SYNE1: variants seen among roughly 807,000 people sequenced by gnomAD.
The protein encoded by SYNE1 is spectrin repeat containing nuclear envelope protein 1, also known as nesprin-1.
SYNE1 carries 616 observed loss-of-function variants against 1,111.0 expected under a neutral mutation model. The ratio of observed to expected loss-of-function variants is 0.55; its 90% confidence interval spans 0.52 to 0.59. The LOEUF is 0.59. Among genes scored for constraint, SYNE1 ranks in the 20% least tolerant of loss-of-function variants. The probability of loss-of-function intolerance (pLI) is 0.00; values close to 1 mark genes in which losing one functional copy is unlikely to be tolerated. For synonymous variants in SYNE1, 3,855 were observed against 3,825.8 expected (o/e 1.01, Z -0.28); for missense variants, 10,006 against 10,417.0 (o/e 0.96, Z 1.72).
intron 113 of SYNE1, 41 bp downstream of exon 113, chr6:152,232,075 T>C: frequency 7.1e-7 from 1 of 1,416,522 alleles, no homozygotes; most frequent in Middle Eastern, 2.5e-4. Context: ...AATAAAATGG[T>C]CTGAAAATAT....
intron 3 of SYNE1, among the ~76,000 whole-genome samples, chr6:152,568,254 TA>T (rs2099424675): frequency 6.7e-6 from 1 of 149,360 alleles, no homozygotes; most frequent in South Asian, 2.1e-4. Flanking sequence ...AAATATGTGC[TA>T]AAAATATGAG....
chr6:152,138,501 ACT>A (rs1286439644), intron 140 of SYNE1, among the ~76,000 whole-genome samples: 1 of 148,830 alleles, frequency 6.7e-6, no homozygotes, highest in African/African-American at 2.5e-5. Context: ...ATAGAGTGAG[ACT>A]CTGTCTCAAA....
rs1021830711 is a variant in SYNE1, at chr6:152,318,109, G to A, written c.16544C>T (p.Ala5515Val). Residue 5515 changes from alanine to valine, a missense_variant, in exon 86 of 146, where the codon GCT becomes GTT. Transcript: ENST00000367255. ...ATTGAGCTTGGAGAGCCGATTCTCAGCTTGTCTAATGGTCTGCTGGTGAAG... is the reference window on the plus strand; with the variant it reads ...ATTGAGCTTGGAGAGCCGATTCTCAACTTGTCTAATGGTCTGCTGGTGAAG... The part of the protein sequence containing the change: ...TELHQQTIRQ[A>V]ENRLSKLNQA... 1 of 1,614,096 alleles carries A rather than the reference G, an allele frequency of 6.2e-7. No homozygotes were observed. The highest frequency in any genetic ancestry group is 8.5e-7 in the Non-Finnish European group (1 of 1,180,050).
Position 152,395,761 on chromosome 6 carries a change from G to C in SYNE1, c.7557-90C>G, listed in dbSNP as rs539961647. ...GCTGAGGTCACAATGTCTTTTAAAT[G>C]GCAATTAAGACCTCATGAATGTTCA... On this transcript the variant is annotated intron_variant, in intron 50 of 145. Coordinates refer to ENST00000367255, the MANE Select transcript of SYNE1 (RefSeq NM_182961.4). 5.5e-5 allele frequency: 76 copies of C among 1,388,786 alleles called. No homozygotes were observed. In the African/African-American group the frequency reaches 1.0e-3, roughly 19 times the overall value. The allele number at this position is 1,388,786 out of a possible 1,614,324, so 86.0% of individuals were successfully genotyped here. A position where few individuals can be genotyped will look rare whatever the true frequency, so the allele number is the denominator to read the frequency against.
intron 3 of SYNE1, among the ~76,000 whole-genome samples, chr6:152,610,209 G>C (rs1329261785): frequency 6.6e-6 from 1 of 152,160 alleles, no homozygotes; most frequent in Non-Finnish European, 1.5e-5. Context: ...AGCTAAAGGA[G>C]CATGTTCAAA....
chr6:152,409,494 G>C lies in SYNE1; in HGVS notation c.6381+65C>G, dbSNP rs1378947050. 1.9e-6 allele frequency: 3 copies of C among 1,588,018 alleles called. No individual in the cohort carries two copies. In the African/African-American group the frequency reaches 4.0e-5, roughly 21 times the overall value. On this transcript the variant is annotated intron_variant, in intron 43 of 145. Coordinates refer to ENST00000367255, the MANE Select transcript of SYNE1 (RefSeq NM_182961.4). Reference sequence around the variant, plus strand: ...ACTGATAAGAATAGTGCAGATAACTGCTTTATGAGTAAAAACCAGATCTAC... The same window carrying C: ...ACTGATAAGAATAGTGCAGATAACTCCTTTATGAGTAAAAACCAGATCTAC...
chr6:152,248,483 G>C (rs1588685810), intron 105 of SYNE1, among the ~76,000 whole-genome samples: 2 of 150,362 alleles, frequency 1.3e-5, no homozygotes, highest in Admixed American at 6.6e-5. Flanking sequence ...AGCTAATGAG[G>C]CATGCAACAA....
Position 152,317,002 on chromosome 6 carries a change from C to A in SYNE1, c.16573-16G>T. 1 of 1,613,404 alleles carries A rather than the reference C, an allele frequency of 6.2e-7. No individual in the cohort carries two copies. Among genetic ancestry groups the A allele is most frequent in the Non-Finnish European group, 8.5e-7 (1 of 1,179,922 alleles). The stretch of plus-strand genomic sequence containing the variant: ...GTGATGCTGCCTGAAAAACCAGTAA[C>A]ATTAATGTAACAAATGTAAACTCCT... On this transcript the variant is annotated splice_polypyrimidine_tract_variant and intron_variant, in intron 86 of 145. Transcript: ENST00000367255.
chr6:152,570,302 T>C (rs1595567225), intron 3 of SYNE1, among the ~76,000 whole-genome samples: 1 of 152,334 alleles, frequency 6.6e-6, no homozygotes, highest in Admixed American at 6.5e-5. Context: ...ATATTACGCT[T>C]TCAGAAAAAT....
Position 152,387,224 on chromosome 6 carries a change from T to C in SYNE1, c.8335A>G (p.Ile2779Val), listed in dbSNP as rs746384150. Residue 2779 changes from isoleucine to valine, a missense_variant, in exon 54 of 146, where the codon ATC (isoleucine) becomes GTC (valine). Physicochemically the swap from Ile to Val is conservative, Grantham distance 29. Coordinates refer to ENST00000367255, the MANE Select transcript of SYNE1 (RefSeq NM_182961.4). The stretch of plus-strand genomic sequence containing the variant: ...GTGTGATCTTCTGCCTCAGACAGGA[T>C]GGACTGGAGGTGGTCAAGCAGGACG... ...KFVLLDHLQSILSEAEDHTRA... is the reference protein window; with the variant it reads ...KFVLLDHLQSVLSEAEDHTRA... 21 of 1,614,180 alleles carry C rather than the reference T, an allele frequency of 1.3e-5. No individual in the cohort carries two copies. Among genetic ancestry groups the C allele is most frequent in the Non-Finnish European group, 1.7e-5 (20 of 1,180,010 alleles).
At chr6:152,201,626 T>C (rs914341157) in intron 127 of SYNE1, among the ~76,000 whole-genome samples, 198 bp downstream of exon 127, 1 of 152,188 alleles carries the variant, frequency 6.6e-6, no homozygotes, top group African/African-American at 2.4e-5. Context: ...CTTGGAGTAA[T>C]CCATAAACTA....
chr6:152,308,072 C>T (rs1040130812), intron 91 of SYNE1, among the ~76,000 whole-genome samples: 1 of 152,026 alleles, frequency 6.6e-6, no homozygotes, highest in African/African-American at 2.4e-5. Flanking sequence ...ACCTCATGAT[C>T]CACCCATCTT....
chr6:152,506,473 A>T (rs1177189372), intron 8 of SYNE1, among the ~76,000 whole-genome samples: 1 of 152,116 alleles, frequency 6.6e-6, no homozygotes, highest in East Asian at 1.9e-4. Flanking sequence ...TTCATGAAAA[A>T]ATACAACCTG....
At chr6:152,168,348 C>T in intron 130 of SYNE1, 2 of 592,390 alleles carry the variant, frequency 3.4e-6, no homozygotes, top group South Asian at 2.1e-5. Flanking sequence ...GATAACATGA[C>T]ACTGGGCAGT....
intron 77 of SYNE1, among the ~76,000 whole-genome samples, chr6:152,333,724 C>A (rs1306519984): frequency 6.6e-6 from 1 of 152,116 alleles, no homozygotes; most frequent in Non-Finnish European, 1.5e-5. Context: ...CCTCCTCCTC[C>A]CAGGTTCAAT....
intron 32 of SYNE1, among the ~76,000 whole-genome samples, chr6:152,438,981 G>T (rs2098501997): frequency 6.6e-6 from 1 of 152,172 alleles, no homozygotes; most frequent in Admixed American, 6.5e-5. Context: ...GTGATCCGCA[G>T]ATCTTGAGTG....
chr6:152,230,956 A>AG, intron 114 of SYNE1, among the ~76,000 whole-genome samples: 1 of 152,066 alleles, frequency 6.6e-6, no homozygotes, highest in East Asian at 1.9e-4. Flanking sequence ...AAAAAAAAAA[A>AG]TTGCAAAAGA....
intron 129 of SYNE1, chr6:152,179,376 G>A (rs926300418): frequency 2.0e-5 from 3 of 151,572 alleles, no homozygotes; most frequent in African/African-American, 7.3e-5. Flanking sequence ...ATTCCTATCT[G>A]TGGTCTATAA....
At chr6:152,372,735 G>C (rs755691649) in intron 59 of SYNE1, among the ~76,000 whole-genome samples, 11 of 152,228 alleles carry the variant, frequency 7.2e-5, no homozygotes, top group Non-Finnish European at 1.5e-4. Context: ...AAATGAGACA[G>C]TTCACATGAA....
Sources: allele counts gnomAD v4.1 joint callset (sites outside exome capture counted in the v4.1 genomes callset), GRCh38; gene constraint gnomAD v4.1.1; transcripts MANE v1.5; gene names NCBI Gene and HGNC (gene_info 2026-07-23, HGNC 2026-07-21).